BPTF: variants seen among roughly 807,000 people sequenced by gnomAD.
The protein encoded by BPTF is bromodomain PHD finger transcription factor.
A neutral mutation model predicts 292.5 loss-of-function variants in BPTF; 18 were observed. The observed-to-expected ratio is 0.06, with a 90% CI of 0.04 to 0.09. The LOEUF (loss-of-function observed/expected upper bound fraction) is 0.09. Among genes scored for constraint, BPTF ranks in the 10% least tolerant of loss-of-function variants. The probability of loss-of-function intolerance (pLI) is 1.00; values close to 1 mark genes in which losing one functional copy is unlikely to be tolerated. For missense variants in BPTF, 2,726 were observed against 3,498.7 expected, an observed-to-expected ratio of 0.78 and a Z score of 5.57; for synonymous variants, 1,225 against 1,251.9, an observed-to-expected ratio of 0.98 and a Z score of 0.45.
At chr17:67,831,640 A>C (rs2143848894) in intron 1 of BPTF, among the ~76,000 whole-genome samples, 1 of 152,196 alleles carries the variant, frequency 6.6e-6, no homozygotes, top group East Asian at 1.9e-4. Flanking sequence ...CTTTGACTAA[A>C]GACCCTTAAT....
At position 67,975,864 on chromosome 17, in the gene BPTF, C is replaced by T; in HGVS notation, c.8632C>T (p.Arg2878Cys). Residue 2878 changes from arginine to cysteine, a missense_variant, in exon 27 of 28, where the codon CGT becomes TGT. Arg to Cys is a radical substitution (Grantham distance 180). Transcript: ENST00000306378. ...TATGACCAAAATTTTTGATAACTGT[C>T]GTTACTACAATCCAAGTGACTCCCC... ...ADMTKIFDNC[R>C]YYNPSDSPFY... The T allele has an allele frequency of 6.2e-7, 1 of 1,613,900 alleles. No individual in the cohort carries two copies. The highest frequency in any genetic ancestry group is 8.5e-7 in the Non-Finnish European group (1 of 1,179,900).
At chr17:67,942,340 A>G (rs767002314) in intron 19 of BPTF, among the ~76,000 whole-genome samples, 1 of 151,934 alleles carries the variant, frequency 6.6e-6, no homozygotes, top group South Asian at 2.1e-4. Flanking sequence ...AAAAGGACAA[A>G]CCAACATTAT....
At chr17:67,973,298 C>T (rs1341257518) in intron 26 of BPTF, among the ~76,000 whole-genome samples, 1 of 149,948 alleles carries the variant, frequency 6.7e-6, no homozygotes, top group African/African-American at 2.4e-5. Flanking sequence ...GGCCTGAACC[C>T]GGGAGGTGGA....
chr17:67,957,674 C>T lies in BPTF; in HGVS notation c.7927-1867C>T, dbSNP rs151199508. Among the ~76,000 whole-genome samples the T allele has an allele frequency of 2.1e-3, 321 of 152,284 alleles. 1 individual carries two copies. The highest frequency in any genetic ancestry group is 7.2e-3 in the African/African-American group (297 of 41,534). On this transcript the variant is annotated intron_variant, in intron 23 of 27. Coordinates refer to ENST00000306378, the MANE Select transcript of BPTF (RefSeq NM_182641.4). ...TCACTTGAGCTTAGGAGTTCAGTTA[C>T]CTGAACAACACAGCAAGACTCCATC... is the stretch of plus-strand genomic sequence containing the variant.
intron 1 of BPTF, among the ~76,000 whole-genome samples, chr17:67,838,945 C>G (rs1397630867): frequency 6.6e-6 from 1 of 151,964 alleles, no homozygotes; most frequent in African/African-American, 2.4e-5. Flanking sequence ...AGTATTTAGC[C>G]ACCTATTCTT....
At chr17:67,960,382 TG>T (rs2067362730) in intron 24 of BPTF, 1 of 152,268 alleles carries the variant, frequency 6.6e-6, no homozygotes, top group African/African-American at 2.4e-5. Context: ...CTCATATTTT[TG>T]TCAAAGTTTC....
At chr17:67,963,996 G>A (rs2067763052) in intron 24 of BPTF, among the ~76,000 whole-genome samples, 2 of 152,144 alleles carry the variant, frequency 1.3e-5, no homozygotes, top group Admixed American at 6.6e-5. Flanking sequence ...TGGTTCTCCA[G>A]TATTACACAG....
rs762924882 is a variant in BPTF, at chr17:67,924,439, TAATA to T, written c.5709-107_5709-104del. On this transcript the variant is annotated intron_variant, in intron 14 of 27. Coordinates refer to ENST00000306378, the MANE Select transcript of BPTF (RefSeq NM_182641.4). ...CAAATGTTTTATTTTTAAATTGAGA[TAATA>T]TCATACCTTTGTATGATGTGAAAAT... 9.0e-5 allele frequency: 102 copies of T among 1,130,892 alleles called. 1 individual carries two copies. The highest frequency in any genetic ancestry group is 1.2e-4 in the Non-Finnish European group (97 of 787,316). The allele number at this position is 1,130,892 out of a possible 1,614,324, so 70.1% of individuals were successfully genotyped here. A position where few individuals can be genotyped will look rare whatever the true frequency, so the allele number is the denominator to read the frequency against.
At chr17:67,833,116 AT>A (rs2056853186) in intron 1 of BPTF, among the ~76,000 whole-genome samples, 1 of 151,868 alleles carries the variant, frequency 6.6e-6, no homozygotes, top group Admixed American at 6.6e-5. Context: ...TCTTATGGAC[AT>A]TTCTTATAAA....
At chr17:67,844,250 ATT>A (rs1184073796) in intron 1 of BPTF, among the ~76,000 whole-genome samples, 8 of 131,740 alleles carry the variant, frequency 6.1e-5, no homozygotes, top group Non-Finnish European at 6.6e-5. Context: ...TGTCTGGCGA[ATT>A]TTTTTTTTTT....
chr17:67,861,970 G>GT (rs934859797), intron 2 of BPTF, among the ~76,000 whole-genome samples: 1 of 151,934 alleles, frequency 6.6e-6, no homozygotes, highest in African/African-American at 2.4e-5. Context: ...CCTACCAATA[G>GT]TTTTTTTGTT....
intron 4 of BPTF, among the ~76,000 whole-genome samples, chr17:67,881,966 C>A (rs2060456174): frequency 7.0e-6 from 1 of 143,474 alleles, no homozygotes; most frequent in Non-Finnish European, 1.5e-5. Context: ...TCCTGAGTAG[C>A]TGGGATTACA....
chr17:67,970,951 A>G (rs1555690497), intron 26 of BPTF, among the ~76,000 whole-genome samples: 1 of 152,162 alleles, frequency 6.6e-6, no homozygotes. Context: ...GTCTAAGTAC[A>G]TTTTAGGCTT....
chr17:67,864,726 A>G (rs902887990), intron 2 of BPTF, among the ~76,000 whole-genome samples: 12 of 152,142 alleles, frequency 7.9e-5, no homozygotes, highest in African/African-American at 2.9e-4. Context: ...TCCCTTATCT[A>G]AAATGCTGTG....
intron 3 of BPTF, among the ~76,000 whole-genome samples, chr17:67,873,601 A>G (rs2059883343): frequency 6.6e-6 from 1 of 152,244 alleles, no homozygotes; most frequent in Non-Finnish European, 1.5e-5. Context: ...TGAACAAATA[A>G]CTAGATATGT....
intron 16 of BPTF, among the ~76,000 whole-genome samples, 158 bp downstream of exon 16, chr17:67,928,759 T>C (rs1310019838): frequency 6.6e-6 from 1 of 152,226 alleles, no homozygotes; most frequent in African/African-American, 2.4e-5. Context: ...CAAATAATGT[T>C]CATAATATTA....
chr17:67,860,924 A>G (rs1220677531), intron 2 of BPTF, among the ~76,000 whole-genome samples: 1 of 152,222 alleles, frequency 6.6e-6, no homozygotes, highest in East Asian at 1.9e-4. Context: ...TTAAATCTAT[A>G]CAGCTTTCTA....
chr17:67,979,216 C>T (rs1410726830), intron 27 of BPTF, among the ~76,000 whole-genome samples: 1 of 143,032 alleles, frequency 7.0e-6, no homozygotes, highest in Non-Finnish European at 1.5e-5. Flanking sequence ...GGACTAGGTG[C>T]TACAGAGAAA....
At chr17:67,932,326 A>G (rs1375570123) in intron 18 of BPTF, among the ~76,000 whole-genome samples, 1 of 152,244 alleles carries the variant, frequency 6.6e-6, no homozygotes, top group South Asian at 2.1e-4. Flanking sequence ...GCAAAGAAAC[A>G]TATAAAACAA....
Sources: allele counts gnomAD v4.1 joint callset (sites outside exome capture counted in the v4.1 genomes callset), GRCh38; gene constraint gnomAD v4.1.1; transcripts MANE v1.5; gene names NCBI Gene and HGNC (gene_info 2026-07-23, HGNC 2026-07-21).